The following TRABD2B variants were observed in gnomAD, a reference collection of about 807,000 sequenced individuals.
The protein encoded by TRABD2B is TraB domain containing 2B, also known as metalloprotease TIKI2.
In TRABD2B, 14 loss-of-function variants were observed where a neutral mutation model predicts 40.1. That is an observed-to-expected ratio of 0.35 (90% CI 0.23 to 0.55). The LOEUF (loss-of-function observed/expected upper bound fraction) is 0.55, where lower values mean the gene tolerates loss of function less well. Ranked by LOEUF, TRABD2B falls within the 20% of genes least tolerant of loss-of-function variation. The pLI is 0.90. For missense variants in TRABD2B, 541 were observed against 648.6 expected (o/e 0.83, Z 1.80); for synonymous variants, 263 against 277.0 (o/e 0.95, Z 0.50).
At chr1:47,905,754 CT>C (rs1191231282) in intron 2 of TRABD2B, among the ~76,000 whole-genome samples, 1 of 152,140 alleles carries the variant, frequency 6.6e-6, no homozygotes, top group Non-Finnish European at 1.5e-5. Context: ...AGCCCTCAAT[CT>C]CTATGGCATA....
At position 47,997,098 on chromosome 1, in the gene TRABD2B, C is replaced by A; in HGVS notation, c.-309G>T. ...GGGGGCGCGCGGGGTCCCGGAGCTG[C>A]GTCGCGGTCCAGGGGCGCGCGGGGT... is the stretch of plus-strand genomic sequence containing the variant. On this transcript the variant is annotated 5_prime_UTR_variant, in exon 1 of 7. Coordinates refer to ENST00000606738, the MANE Select transcript of TRABD2B (RefSeq NM_001194986.2). The A allele has an allele frequency of 1.0e-6, 1 of 983,406 alleles. No individual in the cohort carries two copies. Among genetic ancestry groups the A allele is most frequent in the African/African-American group, 1.8e-5 (1 of 56,988 alleles). 60.9% of individuals were successfully genotyped at this position (983,406 alleles called of 1,614,324 possible).
chr1:47,868,906 T>C (rs1644100286), intron 2 of TRABD2B, among the ~76,000 whole-genome samples: 1 of 152,212 alleles, frequency 6.6e-6, no homozygotes, highest in South Asian at 2.1e-4. Context: ...GATATTCATT[T>C]GTTGGTAAAC....
intron 2 of TRABD2B, among the ~76,000 whole-genome samples, chr1:47,833,924 T>C (rs1645283232): frequency 6.6e-6 from 1 of 152,252 alleles, no homozygotes; most frequent in Non-Finnish European, 1.5e-5. Context: ...CCAGGGAACA[T>C]TAATCAGCAA....
intron 2 of TRABD2B, among the ~76,000 whole-genome samples, chr1:47,960,990 C>CA (rs1310590803): frequency 2.0e-5 from 3 of 152,158 alleles, no homozygotes; most frequent in Non-Finnish European, 4.4e-5. Flanking sequence ...ACCAAAACAG[C>CA]ATGGTACTGG....
At chr1:47,804,685 C>G (rs539859375) in intron 2 of TRABD2B, among the ~76,000 whole-genome samples, 2 of 152,312 alleles carry the variant, frequency 1.3e-5, no homozygotes, top group East Asian at 3.9e-4. Context: ...GTGCTAAAAA[C>G]AGTCCTGGCA....
intron 2 of TRABD2B, among the ~76,000 whole-genome samples, chr1:47,882,076 C>T (rs573181089): frequency 9.2e-5 from 14 of 152,366 alleles, no homozygotes; most frequent in African/African-American, 2.2e-4. Context: ...ACAGACGCCC[C>T]GCTCTGCAGC....
intron 2 of TRABD2B, among the ~76,000 whole-genome samples, chr1:47,909,559 A>AAGGAGGAGGAGGAGGAGGAGG (rs71056647): frequency 1.4e-4 from 17 of 117,412 alleles, no homozygotes; most frequent in Admixed American, 1.1e-3. Flanking sequence ...AAGAAGGAAG[A>AAGGAGGAGGAGGAGGAGGAGG]AGGAGGAGGA....
intron 2 of TRABD2B, among the ~76,000 whole-genome samples, chr1:47,891,600 T>C (rs139003653): frequency 5.3e-5 from 8 of 152,178 alleles, no homozygotes; most frequent in Admixed American, 2.0e-4. Flanking sequence ...AGTTCGAGAC[T>C]AGCCTGAGCA....
At chr1:47,923,907 TACACACATACACACACAC>T (rs1382689420) in intron 2 of TRABD2B, among the ~76,000 whole-genome samples, 6 of 64,232 alleles carry the variant, frequency 9.3e-5, no homozygotes, top group South Asian at 5.7e-4. Context: ...TCTACACACA[TACACACATACACACACAC>T]ACACACACAC....
intron 2 of TRABD2B, among the ~76,000 whole-genome samples, chr1:47,920,009 T>A (rs2124731584): frequency 6.6e-6 from 1 of 152,316 alleles, no homozygotes; most frequent in South Asian, 2.1e-4. Flanking sequence ...CAGCTTCCTG[T>A]ACAGACTTTA....
chr1:47,918,586 C>T (rs2124727465), intron 2 of TRABD2B, among the ~76,000 whole-genome samples: 1 of 152,302 alleles, frequency 6.6e-6, no homozygotes, highest in South Asian at 2.1e-4. Context: ...CCCCTCCCTC[C>T]TTCTCTTCCT....
At chr1:47,866,881 T>A (rs1644066100) in intron 2 of TRABD2B, among the ~76,000 whole-genome samples, 1 of 152,164 alleles carries the variant, frequency 6.6e-6, no homozygotes, top group Admixed American at 6.6e-5. Context: ...AGAAATGAGC[T>A]ACTAATGGAT....
Position 47,930,150 on chromosome 1 carries a change from CAGATCCTG to C in TRABD2B, c.666+63876_666+63883del, listed in dbSNP as rs1251346225. On this transcript the variant is annotated intron_variant, in intron 2 of 6. Transcript: ENST00000606738. Reference sequence around the variant, plus strand: ...CCTTCCCCTTCTCCCTGCCAAAAGGCAGATCCTGAGCCATGGTGCGCCAAGGTTTAGGG... The same window carrying C: ...CCTTCCCCTTCTCCCTGCCAAAAGGCAGCCATGGTGCGCCAAGGTTTAGGG... Among the ~76,000 whole-genome samples the C allele has an allele frequency of 3.3e-5, 5 of 152,350 alleles. No homozygotes were observed. In the East Asian group the frequency reaches 9.7e-4, roughly 29 times the overall value.
At position 47,775,350 on chromosome 1, in the gene TRABD2B, G is replaced by A; in HGVS notation, c.1169C>T (p.Pro390Leu). Reference sequence around the variant, plus strand: ...TGGTGGGGCGGTGGGGGTCACAGAGGGTGCTTCGGGGACAGCGGCAGCTGG... The same window carrying A: ...TGGTGGGGCGGTGGGGGTCACAGAGAGTGCTTCGGGGACAGCGGCAGCTGG... ...VTPAAAVPEA[P>L]SVTPTAPPED... The change falls in exon 6 of 7, where the codon CCC becomes CTC. Residue 390 changes from proline (P) to leucine (L), a missense_variant. This residue lies in a region of TRABD2B where 172 missense variants were observed against 155.8 expected (regional missense o/e 1.10). Transcript: ENST00000606738. The A allele has an allele frequency of 8.1e-7, 1 of 1,240,050 alleles. No individual in the cohort carries two copies. Among genetic ancestry groups the A allele is most frequent in the South Asian group, 3.7e-5 (1 of 26,800 alleles). The allele number at this position is 1,240,050 out of a possible 1,614,324, so 76.8% of individuals were successfully genotyped here.
chr1:47,790,344 C>T (rs1644654245), intron 4 of TRABD2B, among the ~76,000 whole-genome samples: 1 of 152,146 alleles, frequency 6.6e-6, no homozygotes, highest in African/African-American at 2.4e-5. Context: ...AGCCTGGCTA[C>T]TTCCAGAACA....
intron 2 of TRABD2B, among the ~76,000 whole-genome samples, chr1:47,984,942 A>T (rs1645899866): frequency 2.0e-5 from 3 of 152,206 alleles, no homozygotes; most frequent in African/African-American, 7.2e-5. Flanking sequence ...CATGTCTGGC[A>T]CTCAGTAGGA....
rs539341409 is a variant in TRABD2B at position 47,927,405 on chromosome 1, C to T, written c.666+66629G>A. ...ACAAGCCCAAAGCCATCCCATGGAA[C>T]GTGAGCCTGCCAGTGCCAAGCACTA... On this transcript the variant is annotated intron_variant, in intron 2 of 6. Transcript: ENST00000606738. Among the ~76,000 whole-genome samples the T allele has an allele frequency of 2.6e-3, 393 of 152,368 alleles. 5 individuals are homozygous for T. Among genetic ancestry groups the T allele is most frequent in the African/African-American group, 8.9e-3 (371 of 41,592 alleles).
At chr1:47,873,900 CA>C (rs1357973624) in intron 2 of TRABD2B, among the ~76,000 whole-genome samples, 1 of 152,146 alleles carries the variant, frequency 6.6e-6, no homozygotes, top group African/African-American at 2.4e-5. Flanking sequence ...CCTTTTAAGA[CA>C]AAACACTGGC....
intron 2 of TRABD2B, among the ~76,000 whole-genome samples, chr1:47,865,562 T>G (rs919425599): frequency 6.6e-6 from 1 of 152,152 alleles, no homozygotes; most frequent in African/African-American, 2.4e-5. Flanking sequence ...CATGGGCACT[T>G]GTCCCAGGGT....
Sources: gnomAD v4.1 joint callset for allele counts (sites outside exome capture counted in the v4.1 genomes callset) on GRCh38, gnomAD v4.1.1 for gene constraint, gnomAD v4.1.1 regional missense constraint, MANE v1.5 for transcripts, NCBI Gene and HGNC (gene_info 2026-07-23, HGNC 2026-07-21) for gene names.